FMN1: variants seen among roughly 807,000 people sequenced by gnomAD.
FMN1 encodes formin 1.
In FMN1, 110 loss-of-function variants were observed where a neutral mutation model predicts 132.4. That is an observed-to-expected ratio of 0.83 (90% CI 0.71 to 0.97). FMN1 has a LOEUF of 0.97. Ranked by LOEUF, FMN1 falls within the 50% of genes least tolerant of loss-of-function variation. FMN1 has a pLI of 0.00. For synonymous variants in FMN1, 722 were observed against 651.7 expected, an observed-to-expected ratio of 1.11 and a Z score of -1.64; for missense variants, 1,792 against 1,705.3, an observed-to-expected ratio of 1.05 and a Z score of -0.90.
intron 17 of FMN1, among the ~76,000 whole-genome samples, chr15:32,850,414 A>C (rs2058982443): frequency 6.6e-6 from 1 of 152,108 alleles, no homozygotes; most frequent in Non-Finnish European, 1.5e-5. Context: ...GCATATGCCC[A>C]ACATAGAAAG....
At chr15:32,798,216 A>ACACAC (rs1286307994) in intron 19 of FMN1, among the ~76,000 whole-genome samples, 7 of 140,872 alleles carry the variant, frequency 5.0e-5, no homozygotes, top group African/African-American at 1.8e-4. Context: ...ACACACACAC[A>ACACAC]CCCCGTCTAT....
intron 5 of FMN1, among the ~76,000 whole-genome samples, chr15:33,074,450 A>C (rs553498629): frequency 6.6e-6 from 1 of 152,336 alleles, no homozygotes; most frequent in East Asian, 1.9e-4. Context: ...ATTGGTTAAA[A>C]AGAAAACAGG....
chr15:33,102,982 T>C (rs2141424679), intron 4 of FMN1, among the ~76,000 whole-genome samples: 1 of 152,250 alleles, frequency 6.6e-6, no homozygotes, highest in South Asian at 2.1e-4. Context: ...ATTTATTTTT[T>C]ATTTGTCTTT....
intron 4 of FMN1, among the ~76,000 whole-genome samples, chr15:33,126,827 G>A (rs751588396): frequency 1.3e-5 from 2 of 152,196 alleles, no homozygotes; most frequent in African/African-American, 2.4e-5. Flanking sequence ...CGCCTTCCTG[G>A]CGAGTCTTCT....
intron 3 of FMN1, among the ~76,000 whole-genome samples, chr15:33,167,458 A>G (rs748425033): frequency 3.9e-5 from 6 of 152,210 alleles, no homozygotes; most frequent in African/African-American, 7.2e-5. Context: ...TAGCAGTATG[A>G]CAACAGACTA....
At chr15:33,093,401 C>T (rs2038970621) in intron 4 of FMN1, among the ~76,000 whole-genome samples, 1 of 152,130 alleles carries the variant, frequency 6.6e-6, no homozygotes, top group Non-Finnish European at 1.5e-5. Context: ...TCTAGATGTA[C>T]AGCTAATGGA....
In FMN1 at chr15:33,057,420, AAAG is replaced by A. The variant is rs1428790825; in HGVS notation, c.2161+7534_2161+7536del. Among the ~76,000 whole-genome samples the A allele has an allele frequency of 2.6e-5, 4 of 152,200 alleles. No homozygotes were observed. In the East Asian group the frequency reaches 7.7e-4, roughly 29 times the overall value. The stretch of plus-strand genomic sequence containing the variant: ...TTCTTCTATAAAAACTGGTTTAAAA[AAAG>A]AAAGTCAGTGGTGCTGCAGTTGAAC... On this transcript the variant is annotated intron_variant, in intron 6 of 20. Coordinates refer to ENST00000616417, the MANE Select transcript of FMN1 (RefSeq NM_001277313.2).
chr15:32,840,498 A>T (rs1233392434), intron 17 of FMN1, among the ~76,000 whole-genome samples: 1 of 152,178 alleles, frequency 6.6e-6, no homozygotes, highest in Non-Finnish European at 1.5e-5. Flanking sequence ...CTCTGCACAT[A>T]ACTGCGTACA....
chr15:32,836,529 C>T (rs919643041), intron 17 of FMN1, among the ~76,000 whole-genome samples: 4 of 152,122 alleles, frequency 2.6e-5, no homozygotes, highest in African/African-American at 4.8e-5. Context: ...TACAAATGCC[C>T]GCATGCTTTC....
chr15:33,152,544 C>CT (rs1964478581), intron 4 of FMN1, among the ~76,000 whole-genome samples: 1 of 151,698 alleles, frequency 6.6e-6, no homozygotes, highest in South Asian at 2.1e-4. Context: ...GAGATGATTA[C>CT]TAAAAACAAA....
chr15:33,046,950 G>A (rs12903776), intron 6 of FMN1, among the ~76,000 whole-genome samples: 63 of 152,274 alleles, frequency 4.1e-4, no homozygotes, highest in East Asian at 1.2e-3. Flanking sequence ...TCATAAACCC[G>A]CTGTTCAAGC....
chr15:32,926,869 T>C (rs1238595510), intron 9 of FMN1, among the ~76,000 whole-genome samples: 2 of 152,140 alleles, frequency 1.3e-5, no homozygotes, highest in African/African-American at 2.4e-5. Context: ...GTCTCAGCCT[T>C]GACCTCCTGG....
chr15:33,071,979 T>C (rs754780875), intron 5 of FMN1, among the ~76,000 whole-genome samples: 10 of 152,182 alleles, frequency 6.6e-5, no homozygotes, highest in Non-Finnish European at 1.2e-4. Flanking sequence ...CTTTCATCCT[T>C]TACAACCTAC....
intron 6 of FMN1, among the ~76,000 whole-genome samples, chr15:33,040,794 A>G (rs2036399326): frequency 6.6e-6 from 1 of 152,240 alleles, no homozygotes; most frequent in African/African-American, 2.4e-5. Flanking sequence ...TATCTTGAAT[A>G]GTGGTACAAT....
rs575566816 is a variant in FMN1 at position 32,963,379 on chromosome 15, A to T, written c.3138+728T>A. The stretch of plus-strand genomic sequence containing the variant: ...GGGTGGGGGGAGGGAAAGCACTGGG[A>T]GATATACCTAATGCTAGATGACGCG... On this transcript the variant is annotated intron_variant, in intron 9 of 20. Coordinates refer to ENST00000616417, the MANE Select transcript of FMN1 (RefSeq NM_001277313.2). Among the ~76,000 whole-genome samples, 462 of 151,846 alleles carry T rather than the reference A, an allele frequency of 3.0e-3. 2 individuals are homozygous for T. Among genetic ancestry groups the T allele is most frequent in the African/African-American group, 0.011 (449 of 41,358 alleles).
chr15:32,855,051 C>T (rs541964813), intron 17 of FMN1, among the ~76,000 whole-genome samples: 41 of 150,502 alleles, frequency 2.7e-4, no homozygotes, highest in African/African-American at 1.0e-3. Context: ...TAACATAGAG[C>T]CTAACCTATA....
chr15:32,871,155 T>A (rs967690866), intron 16 of FMN1, among the ~76,000 whole-genome samples: 2 of 152,112 alleles, frequency 1.3e-5, no homozygotes, highest in Non-Finnish European at 1.5e-5. Context: ...GCGACTAACT[T>A]CTAAAAAGTA....
chr15:32,813,675 A>G (rs1382728491), intron 17 of FMN1, among the ~76,000 whole-genome samples: 4 of 152,212 alleles, frequency 2.6e-5, no homozygotes, highest in Non-Finnish European at 4.4e-5. Flanking sequence ...TTCGAGTGAT[A>G]CAGATGCAAT....
chr15:33,157,937 T>C (rs1358941250), intron 3 of FMN1, among the ~76,000 whole-genome samples: 2 of 150,994 alleles, frequency 1.3e-5, no homozygotes, highest in Non-Finnish European at 2.9e-5. Flanking sequence ...TGGACTGAGA[T>C]TGCGCCACTG....
Sources: gnomAD v4.1 joint callset for allele counts (sites outside exome capture counted in the v4.1 genomes callset) on GRCh38, gnomAD v4.1.1 for gene constraint, MANE v1.5 for transcripts, NCBI Gene and HGNC (gene_info 2026-07-23, HGNC 2026-07-21) for gene names.